Variants in TMTC1 observed in about 807,000 individuals in gnomAD.
TMTC1 encodes the protein transmembrane O-mannosyltransferase targeting cadherins 1.
A neutral mutation model predicts 104.8 loss-of-function variants in TMTC1; 73 were observed. The ratio of observed to expected loss-of-function variants is 0.70; its 90% CI spans 0.58 to 0.85. The LOEUF is 0.85. Among genes scored for constraint, TMTC1 ranks in the 40% least tolerant of loss-of-function variants. TMTC1 has a pLI of 0.00. For missense variants in TMTC1, 1,035 were observed against 1,096.1 expected (o/e 0.94, Z 0.79); for synonymous variants, 434 against 428.7 (o/e 1.01, Z -0.15).
intron 10 of TMTC1, among the ~76,000 whole-genome samples, chr12:29,553,879 C>T (rs749426843): frequency 6.6e-6 from 1 of 152,078 alleles, no homozygotes; most frequent in Non-Finnish European, 1.5e-5. Flanking sequence ...GAATATCTGC[C>T]ATTATTTTCA....
At chr12:29,730,958 A>G (rs567484731) in intron 5 of TMTC1, among the ~76,000 whole-genome samples, 1 of 152,320 alleles carries the variant, frequency 6.6e-6, no homozygotes, top group East Asian at 1.9e-4. Flanking sequence ...TGCAAGGATC[A>G]TTCCATTAAC....
intron 5 of TMTC1, among the ~76,000 whole-genome samples, chr12:29,652,583 G>C (rs192748782): frequency 2.0e-5 from 3 of 152,234 alleles, no homozygotes; most frequent in African/African-American, 7.2e-5. Context: ...TGACAGCAGA[G>C]TCAATCATGC....
chr12:29,672,248 C>A (rs730614), intron 5 of TMTC1, among the ~76,000 whole-genome samples: 1,667 of 152,256 alleles, frequency 0.011, 20 homozygotes, highest in African/African-American at 0.038. Flanking sequence ...TCATCAAGTT[C>A]CTGCAGGAGT....
intron 5 of TMTC1, among the ~76,000 whole-genome samples, chr12:29,750,967 G>A (rs1943076549): frequency 6.6e-6 from 1 of 152,218 alleles, no homozygotes; most frequent in African/African-American, 2.4e-5. Context: ...CAGCAGGGGA[G>A]CCCCAAAGCA....
At chr12:29,739,687 G>A (rs548031434) in intron 5 of TMTC1, among the ~76,000 whole-genome samples, 11 of 152,164 alleles carry the variant, frequency 7.2e-5, no homozygotes, top group South Asian at 6.2e-4. Flanking sequence ...TCCTGCACTC[G>A]TCAAATTTTA....
chr12:29,582,554 G>A (rs946145402), intron 8 of TMTC1, among the ~76,000 whole-genome samples: 1 of 152,226 alleles, frequency 6.6e-6, no homozygotes, highest in Non-Finnish European at 1.5e-5. Flanking sequence ...GGGTGCTCAA[G>A]ACGGATTTTC....
chr12:29,601,493 G>A (rs1262809884), intron 7 of TMTC1, among the ~76,000 whole-genome samples: 1 of 152,208 alleles, frequency 6.6e-6, no homozygotes, highest in Non-Finnish European at 1.5e-5. Flanking sequence ...AGGGCTCTTA[G>A]AAGCTTGATC....
At chr12:29,521,552 CTTTT>C (rs1944159377) in intron 11 of TMTC1, among the ~76,000 whole-genome samples, 1 of 136,860 alleles carries the variant, frequency 7.3e-6, no homozygotes, top group Non-Finnish European at 1.5e-5. Context: ...GTACATTTTT[CTTTT>C]TCTTTCTTTC....
chr12:29,673,997 G>A (rs1241613233), intron 5 of TMTC1, among the ~76,000 whole-genome samples: 1 of 151,854 alleles, frequency 6.6e-6, no homozygotes, highest in Non-Finnish European at 1.5e-5. Flanking sequence ...AATCTCAGGT[G>A]ATCTGCCAGC....
At chr12:29,607,329 T>G (rs1312478690) in intron 6 of TMTC1, among the ~76,000 whole-genome samples, 1 of 152,146 alleles carries the variant, frequency 6.6e-6, no homozygotes, top group Non-Finnish European at 1.5e-5. Context: ...CAGTGCCCGG[T>G]GTGAATATTT....
intron 5 of TMTC1, among the ~76,000 whole-genome samples, chr12:29,657,482 A>T (rs146749550): frequency 6.6e-6 from 1 of 152,184 alleles, no homozygotes; most frequent in Non-Finnish European, 1.5e-5. Flanking sequence ...TAAGATATAA[A>T]CAACAATTTA....
chr12:29,511,465 G>A (rs917298262), intron 17 of TMTC1, among the ~76,000 whole-genome samples: 8 of 152,070 alleles, frequency 5.3e-5, no homozygotes, highest in Non-Finnish European at 7.4e-5. Flanking sequence ...ATGGCGAATC[G>A]TTCATTGCAT....
At position 29,751,878 on chromosome 12, in the gene TMTC1, G is replaced by A. The variant is rs1358559075; in HGVS notation, c.732-6C>T. 6.5e-7 allele frequency: 1 copy of A among 1,548,838 alleles called. No individual in the cohort carries two copies. Among genetic ancestry groups the A allele is most frequent in the Non-Finnish European group, 8.7e-7 (1 of 1,146,546 alleles). On this transcript the variant is annotated splice_polypyrimidine_tract_variant and splice_region_variant and intron_variant, in intron 4 of 17. Coordinates refer to ENST00000539277, the MANE Select transcript of TMTC1 (RefSeq NM_001193451.2). Reference sequence around the variant, plus strand: ...GACAGAGGGCCCCATTGCTCCTGTTGTGCATGGAATTGAGGGAAAACAAAG... The same window carrying A: ...GACAGAGGGCCCCATTGCTCCTGTTATGCATGGAATTGAGGGAAAACAAAG...
intron 7 of TMTC1, among the ~76,000 whole-genome samples, chr12:29,599,016 C>A (rs1288150503): frequency 6.6e-6 from 1 of 152,182 alleles, no homozygotes; most frequent in African/African-American, 2.4e-5. Context: ...TCATTCAAGT[C>A]TTCCTAAAGT....
At position 29,536,243 on chromosome 12, in the gene TMTC1, G is replaced by C; in HGVS notation, c.1751C>G (p.Ala584Gly). 6.2e-7 allele frequency: 1 copy of C among 1,612,774 alleles called. No homozygotes were observed. The highest frequency in any genetic ancestry group is 8.5e-7 in the Non-Finnish European group (1 of 1,179,318). ...SIKYGPEFAD[A>G]YSSLASLLAE... ...CAATAACGAAGCTAAGCTTGAATAT[G>C]CATCTGCAAACTCTGGACCATATTT... The change falls in exon 11 of 18, where the codon GCA (alanine) becomes GGA (glycine). Residue 584 changes from alanine to glycine, a missense_variant. Transcript: ENST00000539277.
chr12:29,694,921 C>T (rs973921786), intron 5 of TMTC1, among the ~76,000 whole-genome samples: 9 of 150,686 alleles, frequency 6.0e-5, no homozygotes, highest in African/African-American at 7.3e-5. Flanking sequence ...GCAACAAGAG[C>T]GAAACTCCAT....
Position 29,607,014 on chromosome 12 carries a change from G to A in TMTC1, c.1129-2715C>T, listed in dbSNP as rs371819501. ...CACGGACACCCGTAGTGAGCAGGATGCCCATGGCACTGATTGCTGTTGGGG... is the reference window on the plus strand; with the variant it reads ...CACGGACACCCGTAGTGAGCAGGATACCCATGGCACTGATTGCTGTTGGGG... On this transcript the variant is annotated intron_variant, in intron 6 of 17. Transcript: ENST00000539277. Among the ~76,000 whole-genome samples the A allele has an allele frequency of 1.1e-3, 172 of 152,140 alleles. 1 individual carries two copies. Among genetic ancestry groups the A allele is most frequent in the South Asian group, 3.7e-3 (18 of 4,818 alleles).
intron 5 of TMTC1, among the ~76,000 whole-genome samples, chr12:29,679,038 A>G (rs1439248306): frequency 6.6e-6 from 1 of 152,228 alleles, no homozygotes; most frequent in Non-Finnish European, 1.5e-5. Context: ...ACCTGGATAC[A>G]ACCTAAATAT....
chr12:29,698,567 A>C (rs1187024194), intron 5 of TMTC1, among the ~76,000 whole-genome samples: 2 of 152,154 alleles, frequency 1.3e-5, no homozygotes, highest in African/African-American at 4.8e-5. Context: ...TATGTTTCTA[A>C]GTTAGAGGAA....
Sources: gnomAD v4.1 joint callset for allele counts (sites outside exome capture counted in the v4.1 genomes callset) on GRCh38, gnomAD v4.1.1 for gene constraint, MANE v1.5 for transcripts, NCBI Gene and HGNC (gene_info 2026-07-23, HGNC 2026-07-21) for gene names.